The following ADGRV1 variants were observed in gnomAD, a reference collection of about 807,000 sequenced individuals.
ADGRV1 encodes the protein adhesion G protein-coupled receptor V1, also known as G-protein coupled receptor 98.
In ADGRV1, 359 loss-of-function variants were observed where a neutral mutation model predicts 596.2. The ratio of observed to expected loss-of-function variants is 0.60; its 90% CI spans 0.55 to 0.66. ADGRV1 has a LOEUF of 0.66. ADGRV1 is among the 30% of genes least tolerant of loss of function. The probability of loss-of-function intolerance (pLI) is 0.00; values close to 1 mark genes in which losing one functional copy is unlikely to be tolerated. For missense variants in ADGRV1, 7,274 were observed against 7,575.6 expected (o/e 0.96, Z 1.48); for synonymous variants, 2,681 against 2,679.2 (o/e 1.00, Z -0.02).
intron 75 of ADGRV1, among the ~76,000 whole-genome samples, chr5:90,820,099 C>T (rs1763324211): frequency 6.6e-6 from 1 of 151,862 alleles, no homozygotes; most frequent in Admixed American, 6.6e-5. Context: ...TCTGGGTGCT[C>T]CTGTGTTGGG....
chr5:91,148,129 G>A (rs902264523), intron 87 of ADGRV1, among the ~76,000 whole-genome samples: 7 of 152,178 alleles, frequency 4.6e-5, no homozygotes, highest in African/African-American at 7.2e-5. Context: ...AGGTGACAAA[G>A]CATAAACGTT....
At chr5:90,975,794 T>TATAC (rs1353953555) in intron 84 of ADGRV1, among the ~76,000 whole-genome samples, 2 of 152,036 alleles carry the variant, frequency 1.3e-5, no homozygotes, top group East Asian at 3.9e-4. Flanking sequence ...ATGGCACATG[T>TATAC]ATACATAGGT....
chr5:90,985,555 T>C (rs1438248582), intron 85 of ADGRV1, 33 bp downstream of exon 85: 1 of 1,565,634 alleles, frequency 6.4e-7, no homozygotes, highest in East Asian at 2.2e-5. Flanking sequence ...TTGCCCTAGC[T>C]TTCATGTACC....
chr5:90,800,629 G>T (rs1184211596), intron 70 of ADGRV1, among the ~76,000 whole-genome samples: 1 of 152,170 alleles, frequency 6.6e-6, no homozygotes, highest in Non-Finnish European at 1.5e-5. Context: ...GCACACATAT[G>T]TTTATTGTGG....
intron 4 of ADGRV1, among the ~76,000 whole-genome samples, chr5:90,620,600 A>C (rs1404428149): frequency 6.6e-6 from 1 of 152,004 alleles, no homozygotes; most frequent in Non-Finnish European, 1.5e-5. Flanking sequence ...TCTTTAGTTT[A>C]ATTAGATCCC....
chr5:90,782,555 A>G (rs892924744), intron 65 of ADGRV1, among the ~76,000 whole-genome samples: 2 of 152,180 alleles, frequency 1.3e-5, no homozygotes, highest in South Asian at 2.1e-4. Context: ...CTTAAGAAAT[A>G]TATTTTTGAA....
At chr5:91,048,104 T>C (rs1247784224) in intron 85 of ADGRV1, among the ~76,000 whole-genome samples, 2 of 151,994 alleles carry the variant, frequency 1.3e-5, no homozygotes, top group African/African-American at 4.8e-5. Flanking sequence ...TTTATTTCTG[T>C]CTCTTCTGGG....
At chr5:91,035,861 T>TTATATATATATATATATATAATATATATA (rs1784846398) in intron 85 of ADGRV1, among the ~76,000 whole-genome samples, 1 of 96,402 alleles carries the variant, frequency 1.0e-5, no homozygotes, top group African/African-American at 3.8e-5. Flanking sequence ...TATATATATA[T>TTATATATATATATATATATAATATATATA]TATATATATA....
chr5:91,015,539 A>G (rs1330360916), intron 85 of ADGRV1, among the ~76,000 whole-genome samples: 3 of 152,006 alleles, frequency 2.0e-5, no homozygotes, highest in African/African-American at 7.2e-5. Flanking sequence ...GTTTCTAAGA[A>G]CTTGTCTTAT....
At chr5:90,867,853 T>C (rs1351621498) in intron 83 of ADGRV1, among the ~76,000 whole-genome samples, 1 of 152,220 alleles carries the variant, frequency 6.6e-6, no homozygotes. Flanking sequence ...TGTTAATCAC[T>C]TATTAACCAG....
At chr5:90,669,528 T>A (rs764890265) in intron 21 of ADGRV1, among the ~76,000 whole-genome samples, 4 of 152,258 alleles carry the variant, frequency 2.6e-5, no homozygotes, top group Non-Finnish European at 5.9e-5. Flanking sequence ...TTAATACTTA[T>A]AAACCACAAT....
chr5:90,898,515 A>G (rs186695454), intron 83 of ADGRV1, among the ~76,000 whole-genome samples: 172 of 152,310 alleles, frequency 1.1e-3, no homozygotes, highest in African/African-American at 3.8e-3. Context: ...TCATTGCTCT[A>G]TCCTCACTTT....
chr5:90,651,493 A>G, intron 17 of ADGRV1, 111 bp from the exon 18 acceptor site: 1 of 950,798 alleles, frequency 1.1e-6, no homozygotes. Flanking sequence ...CAGTGAGGAA[A>G]TTCTTGCTGA....
intron 83 of ADGRV1, among the ~76,000 whole-genome samples, chr5:90,914,934 C>G (rs886368226): frequency 6.6e-6 from 1 of 152,264 alleles, no homozygotes; most frequent in East Asian, 1.9e-4. Flanking sequence ...TTTATTGTCC[C>G]TGCCTACATG....
At position 90,706,221 on chromosome 5, in the gene ADGRV1, A is replaced by G; in HGVS notation, c.8567-10A>G. The G allele has an allele frequency of 6.3e-7, 1 of 1,589,324 alleles. No individual in the cohort carries two copies. The highest frequency in any genetic ancestry group is 8.5e-7 in the Non-Finnish European group (1 of 1,172,252). On this transcript the variant is annotated splice_polypyrimidine_tract_variant and intron_variant, in intron 37 of 89. Coordinates refer to ENST00000405460, the MANE Select transcript of ADGRV1 (RefSeq NM_032119.4). ...TAATTATAAAACATTTTTGCAACCT[A>G]TTCAATTAGGAGCTATCAATGTCAC...
intron 77 of ADGRV1, among the ~76,000 whole-genome samples, chr5:90,836,279 A>G (rs1322403211): frequency 6.6e-6 from 1 of 152,200 alleles, no homozygotes. Context: ...AAACTTGCAC[A>G]TGAACATTTA....
At chr5:91,151,266 A>T (rs1796030869) in intron 88 of ADGRV1, among the ~76,000 whole-genome samples, 1 of 152,244 alleles carries the variant, frequency 6.6e-6, no homozygotes, top group South Asian at 2.1e-4. Flanking sequence ...TAAGGTAAAT[A>T]TTCACAATTC....
intron 1 of ADGRV1, among the ~76,000 whole-genome samples, chr5:90,563,195 C>G (rs940763443): frequency 6.6e-6 from 1 of 152,192 alleles, no homozygotes; most frequent in African/African-American, 2.4e-5. Context: ...ATTTCATTCT[C>G]TGAAGCACAA....
rs141283358 is a variant in ADGRV1, at chr5:90,945,558, A to G, written c.17857-19857A>G. Among the ~76,000 whole-genome samples the G allele has an allele frequency of 2.0e-5, 3 of 152,324 alleles. No homozygotes were observed. The East Asian group carries it at 5.8e-4, about 29-fold the overall frequency. On this transcript the variant is annotated intron_variant, in intron 83 of 89. Transcript: ENST00000405460. ...TCTTGGGGCCAAAAGACTAAAATCA[A>G]ACTCCACTGAGGGAGGGTACTAGAT... is the stretch of plus-strand genomic sequence containing the variant.
Sources: allele counts gnomAD v4.1 joint callset (sites outside exome capture counted in the v4.1 genomes callset), GRCh38; gene constraint gnomAD v4.1.1; transcripts MANE v1.5; gene names NCBI Gene and HGNC (gene_info 2026-07-23, HGNC 2026-07-21).